Variants in CAP2 observed in about 807,000 individuals in gnomAD.
CAP2 encodes the protein cyclase associated actin cytoskeleton regulatory protein 2.
CAP2 carries 24 observed loss-of-function variants against 57.7 expected under a neutral mutation model. That is an observed-to-expected ratio of 0.42 (90% CI 0.30 to 0.58). The LOEUF is 0.58. Among genes scored for constraint, CAP2 ranks in the 20% least tolerant of loss-of-function variants. The pLI is 0.22. For missense variants in CAP2, 501 were observed against 590.3 expected (o/e 0.85, Z 1.57); for synonymous variants, 194 against 207.2 (o/e 0.94, Z 0.55).
At chr6:17,450,891 G>A (rs1561788055) in intron 3 of CAP2, among the ~76,000 whole-genome samples, 1 of 152,158 alleles carries the variant, frequency 6.6e-6, no homozygotes, top group African/African-American at 2.4e-5. Flanking sequence ...TTTGGCTAAG[G>A]TAGAGCCTGA....
intron 4 of CAP2, among the ~76,000 whole-genome samples, chr6:17,480,665 G>A (rs1421594931): frequency 6.6e-6 from 1 of 152,038 alleles, no homozygotes; most frequent in Non-Finnish European, 1.5e-5. Flanking sequence ...ACAAATGGAA[G>A]CGCCTGAAGT....
chr6:17,450,152 C>T (rs1055414912), intron 3 of CAP2, among the ~76,000 whole-genome samples: 7 of 151,622 alleles, frequency 4.6e-5, no homozygotes, highest in African/African-American at 1.7e-4. Flanking sequence ...CCCAGGTTCA[C>T]GCCATTCTCC....
At chr6:17,506,370 G>A (rs572161090) in intron 4 of CAP2, among the ~76,000 whole-genome samples, 1 of 152,042 alleles carries the variant, frequency 6.6e-6, no homozygotes, top group Non-Finnish European at 1.5e-5. Flanking sequence ...TTCTTAAAAA[G>A]GGCTGGGTGT....
chr6:17,471,179 A>G (rs1011105123), intron 4 of CAP2, among the ~76,000 whole-genome samples: 7 of 152,234 alleles, frequency 4.6e-5, no homozygotes, highest in Non-Finnish European at 7.3e-5. Context: ...AGGAACACAG[A>G]GCCAAACTCC....
chr6:17,503,230 A>G (rs1365525574), intron 4 of CAP2, among the ~76,000 whole-genome samples: 1 of 152,168 alleles, frequency 6.6e-6, no homozygotes, highest in Non-Finnish European at 1.5e-5. Flanking sequence ...GGAGGCTGGA[A>G]GTCCAGGATC....
At chr6:17,450,250 A>AAAC in intron 3 of CAP2, among the ~76,000 whole-genome samples, 1 of 151,958 alleles carries the variant, frequency 6.6e-6, no homozygotes, top group Non-Finnish European at 1.5e-5. Flanking sequence ...ACGGGGTTTC[A>AAAC]CCATTTTAGC....
In CAP2 at chr6:17,531,141, A is replaced by G. The variant is rs1762629304; in HGVS notation, c.637-8128A>G. 1.3e-5 allele frequency: 10 copies of G among 763,426 alleles called. 1 individual carries two copies. In the South Asian group the frequency reaches 1.3e-4, roughly 10 times the overall value. The allele number at this position is 763,426 out of a possible 1,614,324, so 47.3% of individuals were successfully genotyped here. A position where few individuals can be genotyped will look rare whatever the true frequency, so the allele number is the denominator to read the frequency against. On this transcript the variant is annotated intron_variant, in intron 7 of 12. Coordinates refer to ENST00000229922, the MANE Select transcript of CAP2 (RefSeq NM_006366.3). Reference sequence around the variant, plus strand: ...CATCAAAGCCTCATCTGTCAAAGCAATTCGCTTCTTACTGATTTTGCCATA... The same window carrying G: ...CATCAAAGCCTCATCTGTCAAAGCAGTTCGCTTCTTACTGATTTTGCCATA...
intron 1 of CAP2, among the ~76,000 whole-genome samples, chr6:17,400,408 T>C (rs181699816): frequency 1.3e-5 from 2 of 152,322 alleles, no homozygotes; most frequent in Admixed American, 6.5e-5. Context: ...GAGTGACTGC[T>C]ATATCCCTAG....
chr6:17,452,680 T>G (rs56321616), intron 3 of CAP2, among the ~76,000 whole-genome samples: 16,866 of 152,164 alleles, frequency 0.11, 3,053 homozygotes, highest in African/African-American at 0.38. Context: ...TAAGCATCTT[T>G]AGAGGACTTT....
chr6:17,457,378 A>T (rs1760599766), intron 3 of CAP2, among the ~76,000 whole-genome samples: 1 of 152,214 alleles, frequency 6.6e-6, no homozygotes, highest in Non-Finnish European at 1.5e-5. Flanking sequence ...CTCCCTTTGA[A>T]GTTACCAGAC....
chr6:17,556,618 T>A lies in CAP2; in HGVS notation c.*176T>A. On this transcript the variant is annotated 3_prime_UTR_variant, in exon 13 of 13. Transcript: ENST00000229922. ...ACGCCTCGTGGGCATTTTGAAATAT[T>A]TAACGTTTCCTCATGATTTGCCTTT... 1 of 561,656 alleles carries A rather than the reference T, an allele frequency of 1.8e-6. No individual in the cohort carries two copies. The highest frequency in any genetic ancestry group is 3.2e-6 in the Non-Finnish European group (1 of 312,470). The allele number at this position is 561,656 out of a possible 1,614,324, so 34.8% of individuals were successfully genotyped here.
At chr6:17,479,842 C>T (rs919947434) in intron 4 of CAP2, among the ~76,000 whole-genome samples, 21 of 151,868 alleles carry the variant, frequency 1.4e-4, no homozygotes, top group African/African-American at 4.6e-4. Context: ...ATCTCGATCT[C>T]CTGACCTCGT....
At chr6:17,411,598 G>T (rs1019422473) in intron 1 of CAP2, among the ~76,000 whole-genome samples, 4 of 152,206 alleles carry the variant, frequency 2.6e-5, no homozygotes, top group Admixed American at 1.3e-4. Flanking sequence ...TCTCTGGGAA[G>T]ATGTCTATTT....
intron 4 of CAP2, among the ~76,000 whole-genome samples, chr6:17,503,601 T>C (rs2113652294): frequency 8.9e-6 from 1 of 112,332 alleles, no homozygotes; most frequent in South Asian, 3.0e-4. Context: ...CAAAACTCTA[T>C]CTCAAAAAAA....
chr6:17,476,864 C>CTTTTTTTTTTTT (rs67003718), intron 4 of CAP2, among the ~76,000 whole-genome samples: 4 of 72,408 alleles, frequency 5.5e-5, no homozygotes, highest in African/African-American at 6.9e-5. Context: ...TTTCTTACTT[C>CTTTTTTTTTTTT]TTTTTTTTTT....
intron 4 of CAP2, among the ~76,000 whole-genome samples, chr6:17,484,633 A>G (rs1487379234): frequency 6.6e-6 from 1 of 152,182 alleles, no homozygotes; most frequent in Non-Finnish European, 1.5e-5. Context: ...GGGGCCGAGC[A>G]TGTATGCTAT....
intron 4 of CAP2, among the ~76,000 whole-genome samples, chr6:17,493,140 T>C (rs1761584421): frequency 6.6e-6 from 1 of 152,198 alleles, no homozygotes; most frequent in African/African-American, 2.4e-5. Flanking sequence ...CCAGATCACA[T>C]TGGACTTTTC....
intron 7 of CAP2, among the ~76,000 whole-genome samples, chr6:17,525,201 C>A (rs1342481550): frequency 6.6e-6 from 1 of 152,148 alleles, no homozygotes; most frequent in East Asian, 1.9e-4. Flanking sequence ...CCACACCTGG[C>A]CATTTTAGAG....
intron 7 of CAP2, among the ~76,000 whole-genome samples, chr6:17,524,893 C>CTTTTTTTTTTTTTTTTT (rs11325666): frequency 2.7e-5 from 3 of 109,620 alleles, no homozygotes; most frequent in African/African-American, 7.2e-5. Context: ...CTTTTCTTTT[C>CTTTTTTTTTTTTTTTTT]TTTTTTTTTT....
Sources: allele counts gnomAD v4.1 joint callset (sites outside exome capture counted in the v4.1 genomes callset), GRCh38; gene constraint gnomAD v4.1.1; transcripts MANE v1.5; gene names NCBI Gene and HGNC (gene_info 2026-07-23, HGNC 2026-07-21).